The following SMIM19 variants were observed in gnomAD, a reference collection of about 807,000 sequenced individuals.
SMIM19 encodes small integral membrane protein 19, also known as UPF0697 protein C8orf40.
SMIM19 carries 6 observed loss-of-function variants against 13.2 expected under a neutral mutation model. The observed-to-expected ratio is 0.45, with a 90% confidence interval of 0.25 to 0.90. The LOEUF (loss-of-function observed/expected upper bound fraction) is 0.90. SMIM19 is among the 40% of genes least tolerant of loss of function. SMIM19 has a pLI of 0.19. For synonymous variants in SMIM19, 46 were observed against 43.1 expected, an observed-to-expected ratio of 1.07 and a Z score of -0.27; for missense variants, 138 against 131.0, an observed-to-expected ratio of 1.05 and a Z score of -0.26.
rs1254153666 is a variant in SMIM19, at chr8:42,548,671, T to G, written c.150T>G (p.Ile50Met). The G allele has an allele frequency of 6.2e-7, 1 of 1,613,732 alleles. No individual in the cohort carries two copies. Among genetic ancestry groups the G allele is most frequent in the South Asian group, 1.1e-5 (1 of 90,992 alleles). Residue 50 changes from isoleucine to methionine, a missense_variant, in exon 3 of 4, where the codon ATT (isoleucine) becomes ATG (methionine). Transcript: ENST00000417410. ...TTGTGTTTAGGAACAAAAGGAGAATTATGAGGATATTCAGTGTGCCACCTA... is the reference window on the plus strand; with the variant it reads ...TTGTGTTTAGGAACAAAAGGAGAATGATGAGGATATTCAGTGTGCCACCTA... Reference protein sequence around the residue: ...FMYAKRNKRRIMRIFSVPPTE... With the variant: ...FMYAKRNKRRMMRIFSVPPTE...
At position 42,552,679 on chromosome 8, in the gene SMIM19, T is replaced by G; in HGVS notation, c.*71T>G. On this transcript the variant is annotated 3_prime_UTR_variant, in exon 4 of 4. Coordinates refer to ENST00000417410, the MANE Select transcript of SMIM19 (RefSeq NM_001135674.2). ...TTCTTTCTACTAAATCATGAACAGC[T>G]TTAAAAACATTTCTGTCTGCATAAA... 2 of 1,475,228 alleles carry G rather than the reference T, an allele frequency of 1.4e-6. No homozygotes were observed. The highest frequency in any genetic ancestry group is 2.3e-5 in the East Asian group (1 of 44,052). 91.4% of individuals were successfully genotyped at this position (1,475,228 alleles called of 1,614,324 possible). A position where few individuals can be genotyped will look rare whatever the true frequency, so the allele number is the denominator to read the frequency against.
intron 1 of SMIM19, among the ~76,000 whole-genome samples, chr8:42,542,856 T>G (rs1442980507): frequency 6.6e-6 from 1 of 151,326 alleles, no homozygotes. Flanking sequence ...GGCACTTGCC[T>G]GTATTCCCAA....
At chr8:42,542,543 T>C (rs372110396) in intron 1 of SMIM19, 170 bp downstream of exon 1, 3 of 902,962 alleles carry the variant, frequency 3.3e-6, no homozygotes, top group South Asian at 1.0e-4. Context: ...GAGACAAAAA[T>C]GATAACATTC....
rs35145052 is a variant in SMIM19, at chr8:42,553,052, CTT to C, written c.*462_*463del. 0.12 allele frequency: 14,456 copies of C among 121,490 alleles called. 1,356 individuals are homozygous for C. Among genetic ancestry groups the C allele is most frequent in the African/African-American group, 0.32 (10,139 of 31,962 alleles). The allele number at this position is 121,490 out of a possible 1,614,324, so 7.5% of individuals were successfully genotyped here. On this transcript the variant is annotated 3_prime_UTR_variant, in exon 4 of 4. Coordinates refer to ENST00000417410, the MANE Select transcript of SMIM19 (RefSeq NM_001135674.2). ...ACAGATTAATTTGTTGTTAACAGCTCTTTTTTTTTTTTTTTTTTTGAGACAGA... is the reference window on the plus strand; with the variant it reads ...ACAGATTAATTTGTTGTTAACAGCTCTTTTTTTTTTTTTTTTTGAGACAGA...
In SMIM19 at chr8:42,553,180, C is replaced by G. The variant is rs1350250287; in HGVS notation, c.*572C>G. 1 of 151,580 alleles carries G rather than the reference C, an allele frequency of 6.6e-6. No individual in the cohort carries two copies. The highest frequency in any genetic ancestry group is 1.5e-5 in the Non-Finnish European group (1 of 68,094). The allele number at this position is 151,580 out of a possible 1,614,324, so 9.4% of individuals were successfully genotyped here. ...CTCCTGCCACAGCCTCCTGAATATT[C>G]TGTTAACAGCTCTTTAATTAATGAT... On this transcript the variant is annotated 3_prime_UTR_variant, in exon 4 of 4. Coordinates refer to ENST00000417410, the MANE Select transcript of SMIM19 (RefSeq NM_001135674.2).
Position 42,549,143 on chromosome 8 carries a change from G to A in SMIM19, c.259+363G>A, listed in dbSNP as rs566954534. ...AGGAAGGACATTCTGGCCGGGAGTG[G>A]TGGCTCACACCTACAATCCCAGCAC... On this transcript the variant is annotated intron_variant, in intron 3 of 3. Transcript: ENST00000417410. Among the ~76,000 whole-genome samples, 4 of 152,312 alleles carry A rather than the reference G, an allele frequency of 2.6e-5. No homozygotes were observed. In the South Asian group the frequency reaches 8.3e-4, roughly 32 times the overall value.
chr8:42,548,485 A>G, intron 2 of SMIM19, 171 bp from the exon 3 acceptor site: 1 of 781,098 alleles, frequency 1.3e-6, no homozygotes, highest in Middle Eastern at 2.3e-4. Flanking sequence ...TTTTTAGTGA[A>G]AGAAAGAATA....
intron 1 of SMIM19, among the ~76,000 whole-genome samples, chr8:42,544,257 A>G (rs1421314090): frequency 6.6e-6 from 1 of 152,086 alleles, no homozygotes; most frequent in Non-Finnish European, 1.5e-5. Context: ...TAAAAATACA[A>G]AAAAGTAGCC....
At chr8:42,548,093 G>A (rs1469793607) in intron 2 of SMIM19, among the ~76,000 whole-genome samples, 1 of 152,168 alleles carries the variant, frequency 6.6e-6, no homozygotes, top group Non-Finnish European at 1.5e-5. Flanking sequence ...GAGGCACCCT[G>A]ACCATCACTG....
intron 1 of SMIM19, among the ~76,000 whole-genome samples, chr8:42,544,431 A>AG (rs1813408746): frequency 6.7e-6 from 1 of 148,826 alleles, no homozygotes; most frequent in African/African-American, 2.5e-5. Context: ...AAAAAAAAAA[A>AG]TGCCAAATGC....
In SMIM19 at chr8:42,553,052, CTTTT is replaced by C. The variant is rs35145052; in HGVS notation, c.*460_*463del. Reference sequence around the variant, plus strand: ...ACAGATTAATTTGTTGTTAACAGCTCTTTTTTTTTTTTTTTTTTTGAGACAGAGT... The same window carrying C: ...ACAGATTAATTTGTTGTTAACAGCTCTTTTTTTTTTTTTTTGAGACAGAGT... On this transcript the variant is annotated 3_prime_UTR_variant, in exon 4 of 4. Transcript: ENST00000417410. The C allele has an allele frequency of 7.6e-4, 92 of 121,502 alleles. 1 individual carries two copies. Among genetic ancestry groups the C allele is most frequent in the African/African-American group, 2.4e-3 (76 of 31,926 alleles). 7.5% of individuals were successfully genotyped at this position (121,502 alleles called of 1,614,324 possible).
In SMIM19 at chr8:42,541,723, CCCGCTTCTCCCGGTCCCCGGCGGGG is replaced by C. The variant is rs1813193453; in HGVS notation, c.-650_-626del. The C allele has an allele frequency of 6.7e-6, 1 of 149,282 alleles. No individual in the cohort carries two copies. Among genetic ancestry groups the C allele is most frequent in the Non-Finnish European group, 1.5e-5 (1 of 67,036 alleles). The allele number at this position is 149,282 out of a possible 1,614,324, so 9.2% of individuals were successfully genotyped here. ...CCGGCAGCGTGAGTGGCCCCGCGTC[CCCGCTTCTCCCGGTCCCCGGCGGGG>C]CCGCGTCACCCGGCCCCGCCCCGCG... On this transcript the variant is annotated 5_prime_UTR_variant, in exon 1 of 4. Coordinates refer to ENST00000417410, the MANE Select transcript of SMIM19 (RefSeq NM_001135674.2).
chr8:42,548,807 C>A (rs1322541475), intron 3 of SMIM19, 27 bp downstream of exon 3: 1 of 1,571,488 alleles, frequency 6.4e-7, no homozygotes, highest in Non-Finnish European at 8.6e-7. Context: ...CTGAAAGATA[C>A]ACATATGCAC....
rs999887230 is a variant in SMIM19, at chr8:42,554,371, C to T, written c.*1763C>T. 4 of 151,858 alleles carry T rather than the reference C, an allele frequency of 2.6e-5. No homozygotes were observed. The highest frequency in any genetic ancestry group is 9.7e-5 in the African/African-American group (4 of 41,424). 9.4% of individuals were successfully genotyped at this position (151,858 alleles called of 1,614,324 possible). A position where few individuals can be genotyped will look rare whatever the true frequency, so the allele number is the denominator to read the frequency against. On this transcript the variant is annotated 3_prime_UTR_variant, in exon 4 of 4. Coordinates refer to ENST00000417410, the MANE Select transcript of SMIM19 (RefSeq NM_001135674.2). ...TAATCAGCAGTAGGAGTGGTTTACT[C>T]GTCACTGACATGTGGCACAATCTGG...
At chr8:42,545,437 G>A (rs967526922) in intron 1 of SMIM19, among the ~76,000 whole-genome samples, 1 of 152,172 alleles carries the variant, frequency 6.6e-6, no homozygotes, top group African/African-American at 2.4e-5. Flanking sequence ...CAGTGTGGGA[G>A]GCATGCGGGG....
In SMIM19 at chr8:42,553,103, A is replaced by G. The variant is rs904515024; in HGVS notation, c.*495A>G. 1 of 142,402 alleles carries G rather than the reference A, an allele frequency of 7.0e-6. No individual in the cohort carries two copies. The highest frequency in any genetic ancestry group is 2.7e-5 in the African/African-American group (1 of 37,508). 8.8% of individuals were successfully genotyped at this position (142,402 alleles called of 1,614,324 possible). A position where few individuals can be genotyped will look rare whatever the true frequency, so the allele number is the denominator to read the frequency against. On this transcript the variant is annotated 3_prime_UTR_variant, in exon 4 of 4. Transcript: ENST00000417410. ...GAGTCTGTTGCCCAGACTGGAGTGC[A>G]GTGGCACAATCTCTGCTCACTGCAA...
chr8:42,548,904 AT>A (rs1488647203), intron 3 of SMIM19, 124 bp downstream of exon 3: 1 of 947,598 alleles, frequency 1.1e-6, no homozygotes, highest in Non-Finnish European at 1.5e-6. Context: ...CTTCTTTCAG[AT>A]GTTTAATATG....
At chr8:42,543,848 G>A (rs1382215503) in intron 1 of SMIM19, among the ~76,000 whole-genome samples, 2 of 152,156 alleles carry the variant, frequency 1.3e-5, no homozygotes, top group Non-Finnish European at 2.9e-5. Flanking sequence ...TGCCTCCCTT[G>A]CTGCATAATT....
rs1813744170 is a variant in SMIM19, at chr8:42,553,828, A to G, written c.*1220A>G. The stretch of plus-strand genomic sequence containing the variant: ...TAAACCCAATCTCTACGAAGAATAC[A>G]AAAATTCGCTGGGTGTGGTGGCATG... On this transcript the variant is annotated 3_prime_UTR_variant, in exon 4 of 4. Coordinates refer to ENST00000417410, the MANE Select transcript of SMIM19 (RefSeq NM_001135674.2). 1 of 152,146 alleles carries G rather than the reference A, an allele frequency of 6.6e-6. No homozygotes were observed. The highest frequency in any genetic ancestry group is 2.1e-4 in the South Asian group (1 of 4,824). The allele number at this position is 152,146 out of a possible 1,614,324, so 9.4% of individuals were successfully genotyped here. A position where few individuals can be genotyped will look rare whatever the true frequency, so the allele number is the denominator to read the frequency against.
Sources: allele counts gnomAD v4.1 joint callset (sites outside exome capture counted in the v4.1 genomes callset), GRCh38; gene constraint gnomAD v4.1.1; transcripts MANE v1.5; gene names NCBI Gene and HGNC (gene_info 2026-07-23, HGNC 2026-07-21).